TBC1D22A: variants seen among roughly 807,000 people sequenced by gnomAD.
TBC1D22A encodes TBC1 domain family member 22A.
TBC1D22A carries 38 observed loss-of-function variants against 60.2 expected under a neutral mutation model. The observed-to-expected ratio is 0.63, with a 90% CI of 0.49 to 0.83. The LOEUF is 0.83. Among genes scored for constraint, TBC1D22A ranks in the 40% least tolerant of loss-of-function variants. TBC1D22A has a pLI of 0.00. For missense variants in TBC1D22A, 628 were observed against 701.0 expected (o/e 0.90, Z 1.18); for synonymous variants, 302 against 281.7 (o/e 1.07, Z -0.72).
At chr22:46,867,952 C>T (rs192716614) in intron 4 of TBC1D22A, among the ~76,000 whole-genome samples, 140 of 152,246 alleles carry the variant, frequency 9.2e-4, no homozygotes, top group Non-Finnish European at 1.7e-3. Flanking sequence ...ACTGAGAAAA[C>T]AAAAACCAAA....
At chr22:46,829,488 C>T (rs980369839) in intron 4 of TBC1D22A, among the ~76,000 whole-genome samples, 28 of 152,178 alleles carry the variant, frequency 1.8e-4, no homozygotes, top group African/African-American at 6.8e-4. Flanking sequence ...TGATTAGAGA[C>T]AGAACTCTTC....
chr22:46,978,681 TTCAC>T (rs2074399083), intron 9 of TBC1D22A, among the ~76,000 whole-genome samples: 1 of 152,132 alleles, frequency 6.6e-6, no homozygotes, highest in South Asian at 2.1e-4. Flanking sequence ...GCGATCTCAG[TTCAC>T]TGCAACCTCC....
At chr22:46,786,573 T>G (rs746556520) in intron 1 of TBC1D22A, among the ~76,000 whole-genome samples, 1 of 152,256 alleles carries the variant, frequency 6.6e-6, no homozygotes, top group Non-Finnish European at 1.5e-5. Context: ...GAAGGATTTA[T>G]GAAGAATTGG....
intron 4 of TBC1D22A, among the ~76,000 whole-genome samples, chr22:46,798,477 T>G (rs2084754436): frequency 6.6e-6 from 1 of 152,170 alleles, no homozygotes; most frequent in Non-Finnish European, 1.5e-5. Context: ...CCTGCGCGAG[T>G]TGCTTCCAGG....
At chr22:46,997,797 C>T in intron 10 of TBC1D22A, 88 bp downstream of exon 10, 1 of 1,216,346 alleles carries the variant, frequency 8.2e-7, no homozygotes, top group South Asian at 1.2e-5. Context: ...TCCTCATCCG[C>T]CGGCAGCATC....
At chr22:47,104,581 G>A (rs1350412389) in intron 11 of TBC1D22A, among the ~76,000 whole-genome samples, 1 of 151,404 alleles carries the variant, frequency 6.6e-6, no homozygotes, top group African/African-American at 2.4e-5. Flanking sequence ...TGTAATCCCA[G>A]CTACCCCAGA....
In TBC1D22A at chr22:47,175,157, A is replaced by G. The variant is rs1348435882; in HGVS notation, c.*1531A>G. The G allele has an allele frequency of 6.6e-6, 1 of 152,300 alleles. No homozygotes were observed. The highest frequency in any genetic ancestry group is 6.5e-5 in the Admixed American group (1 of 15,292). The allele number at this position is 152,300 out of a possible 1,614,324, so 9.4% of individuals were successfully genotyped here. ...TCTGTTTTAAAAATCCAGGGTCATT[A>G]CACACAGCATGGAAATTAGCACAAA... On this transcript the variant is annotated 3_prime_UTR_variant, in exon 13 of 13. Coordinates refer to ENST00000337137, the MANE Select transcript of TBC1D22A (RefSeq NM_014346.5).
At chr22:46,869,162 C>A (rs1370278719) in intron 4 of TBC1D22A, among the ~76,000 whole-genome samples, 1 of 152,222 alleles carries the variant, frequency 6.6e-6, no homozygotes. Flanking sequence ...TCCTTTACTG[C>A]CCTGTTGGTG....
At chr22:46,788,344 A>T (rs1005441680) in intron 1 of TBC1D22A, among the ~76,000 whole-genome samples, 17 of 152,192 alleles carry the variant, frequency 1.1e-4, no homozygotes, top group African/African-American at 4.1e-4. Context: ...GACTTAACAC[A>T]TTGAGAGTTT....
In TBC1D22A at chr22:46,959,385, G is replaced by A. The variant is rs1293346320; in HGVS notation, c.1016-14905G>A. The stretch of plus-strand genomic sequence containing the variant: ...CACCGACCCGCAGGTTGGTTGGCGG[G>A]GCCAGGTGCAGGTGGTGTCAGGACA... On this transcript the variant is annotated intron_variant, in intron 8 of 12. Coordinates refer to ENST00000337137, the MANE Select transcript of TBC1D22A (RefSeq NM_014346.5). 3.3e-5 allele frequency among the ~76,000 whole-genome samples: 5 copies of A among 152,296 alleles called. 1 individual carries two copies. Among genetic ancestry groups the A allele is most frequent in the Non-Finnish European group, 7.4e-5 (5 of 68,026 alleles).
chr22:46,779,980 G>A (rs1025546264), intron 1 of TBC1D22A, among the ~76,000 whole-genome samples: 8 of 152,224 alleles, frequency 5.3e-5, no homozygotes, highest in African/African-American at 1.4e-4. Flanking sequence ...TGCTGTGGAC[G>A]GAGGGGATGG....
At chr22:46,805,518 A>G (rs2085088734) in intron 4 of TBC1D22A, among the ~76,000 whole-genome samples, 1 of 152,186 alleles carries the variant, frequency 6.6e-6, no homozygotes, top group Admixed American at 6.5e-5. Flanking sequence ...TCACAGCTCT[A>G]AAGGGGCTGT....
intron 10 of TBC1D22A, among the ~76,000 whole-genome samples, chr22:47,016,943 G>A (rs558744364): frequency 6.6e-6 from 1 of 152,360 alleles, no homozygotes; most frequent in Non-Finnish European, 1.5e-5. Context: ...TGACGCACCT[G>A]TCCCAGTGTC....
At position 47,005,812 on chromosome 22, in the gene TBC1D22A, A is replaced by G. The variant is rs574219901; in HGVS notation, c.1201+8103A>G. 2.7e-5 allele frequency among the ~76,000 whole-genome samples: 4 copies of G among 150,864 alleles called. No individual in the cohort carries two copies. The East Asian group carries it at 7.9e-4, about 30-fold the overall frequency. ...ACACAGCCTTATATACACACTCTCC[A>G]TATACACACCCCCCATACACATACA... is the stretch of plus-strand genomic sequence containing the variant. On this transcript the variant is annotated intron_variant, in intron 10 of 12. Transcript: ENST00000337137.
At chr22:46,984,405 A>AAAAAAG (rs1569304186) in intron 9 of TBC1D22A, among the ~76,000 whole-genome samples, 11 of 135,244 alleles carry the variant, frequency 8.1e-5, no homozygotes, top group South Asian at 2.4e-4. Context: ...AAAAAAAAAA[A>AAAAAAG]AGAGAAGTTC....
At chr22:46,841,360 C>T (rs1472403487) in intron 4 of TBC1D22A, among the ~76,000 whole-genome samples, 6 of 152,324 alleles carry the variant, frequency 3.9e-5, no homozygotes, top group African/African-American at 9.6e-5. Flanking sequence ...GCAAGAGGGC[C>T]GTTGTCAGAC....
chr22:47,097,759 T>A (rs963772832), intron 11 of TBC1D22A, among the ~76,000 whole-genome samples: 2 of 152,244 alleles, frequency 1.3e-5, no homozygotes, highest in Non-Finnish European at 2.9e-5. Context: ...CAGGTAACTT[T>A]TACATCATTT....
intron 12 of TBC1D22A, among the ~76,000 whole-genome samples, chr22:47,140,149 G>A (rs2067024489): frequency 6.6e-6 from 1 of 152,078 alleles, no homozygotes. Context: ...AAACTGAGCT[G>A]TGTGTATTTA....
In TBC1D22A at chr22:46,874,972, T is replaced by C. The variant is rs114497125; in HGVS notation, c.638-3681T>C. ...CTTATAGATGCTGGATGTCAGACCT[T>C]TGTCAGGTGCATAGATTGCAAAGGC... On this transcript the variant is annotated intron_variant, in intron 4 of 12. Coordinates refer to ENST00000337137, the MANE Select transcript of TBC1D22A (RefSeq NM_014346.5). Among the ~76,000 whole-genome samples, 1,372 of 152,350 alleles carry C rather than the reference T, an allele frequency of 9.0e-3. 17 individuals are homozygous for C. The highest frequency in any genetic ancestry group is 0.031 in the African/African-American group (1,299 of 41,574).
Sources: allele counts gnomAD v4.1 joint callset (sites outside exome capture counted in the v4.1 genomes callset), GRCh38; gene constraint gnomAD v4.1.1; transcripts MANE v1.5; gene names NCBI Gene and HGNC (gene_info 2026-07-23, HGNC 2026-07-21).